AK9: variants seen among roughly 807,000 people sequenced by gnomAD.
AK9 encodes adenylate kinase domain containing 1.
Under a neutral mutation model 239.6 loss-of-function variants are expected in AK9, and 191 were observed. The observed-to-expected ratio is 0.80, with a 90% CI of 0.71 to 0.90. The LOEUF is 0.90. Ranked by LOEUF, AK9 falls within the 40% of genes least tolerant of loss-of-function variation. AK9 has a pLI of 0.00. For synonymous variants in AK9, 689 were observed against 721.0 expected (o/e 0.96, Z 0.71); for missense variants, 1,995 against 2,214.7 (o/e 0.90, Z 1.99).
intron 35 of AK9, among the ~76,000 whole-genome samples, chr6:109,500,034 TACACACAC>T (rs36086518): frequency 6.4e-4 from 91 of 141,466 alleles, no homozygotes; most frequent in Middle Eastern, 7.3e-3. Context: ...ATATATATGA[TACACACAC>T]ACACACACAC....
chr6:109,515,889 T>C lies in AK9; in HGVS notation c.4033A>G (p.Ile1345Val). 1.3e-6 allele frequency: 2 copies of C among 1,551,762 alleles called. No homozygotes were observed. The highest frequency in any genetic ancestry group is 1.7e-6 in the Non-Finnish European group (2 of 1,146,852). Reference protein sequence around the residue: ...QKMLTFTYKYISSFGYWDPVK... With the variant: ...QKMLTFTYKYVSSFGYWDPVK... The stretch of plus-strand genomic sequence containing the variant: ...GGGTCCCAATAGCCGAATGAGCTTA[T>C]ATACTTGTAGGTAAAGGTGAGCATT... The change falls in exon 31 of 41, where the codon ATA becomes GTA. Residue 1345 changes from isoleucine to valine, a missense_variant. By Grantham distance (29) the Ile-to-Val change is conservative. Around this residue, in one of 5 missense-constraint regions of AK9, gnomAD observed 1,290 missense variants for 1,392.7 expected, o/e 0.93. Transcript: ENST00000424296.
chr6:109,518,847 T>A (rs1036817486), intron 29 of AK9, among the ~76,000 whole-genome samples: 1 of 152,100 alleles, frequency 6.6e-6, no homozygotes, highest in Non-Finnish European at 1.5e-5. Context: ...TCGGGGTACG[T>A]GTGCAGGCTT....
At chr6:109,588,421 G>A (rs1434065051) in intron 17 of AK9, among the ~76,000 whole-genome samples, 1 of 151,994 alleles carries the variant, frequency 6.6e-6, no homozygotes, top group African/African-American at 2.4e-5. Context: ...TCATGTCCTT[G>A]GCCCACTTTT....
chr6:109,651,785 T>A (rs1252277586), intron 8 of AK9, among the ~76,000 whole-genome samples: 1 of 151,502 alleles, frequency 6.6e-6, no homozygotes, highest in South Asian at 2.1e-4. Flanking sequence ...GAGAATACTA[T>A]AAATACTAGA....
At chr6:109,617,469 C>G (rs1333493186) in intron 13 of AK9, among the ~76,000 whole-genome samples, 1 of 151,846 alleles carries the variant, frequency 6.6e-6, no homozygotes, top group South Asian at 2.1e-4. Flanking sequence ...CTATAAATAT[C>G]AATAGAATAG....
chr6:109,617,801 G>A (rs2128245965), intron 13 of AK9, among the ~76,000 whole-genome samples: 1 of 152,150 alleles, frequency 6.6e-6, no homozygotes, highest in East Asian at 1.9e-4. Flanking sequence ...AAGTATGAGT[G>A]AGTTTTCCTT....
chr6:109,686,125 C>A (rs1773471609), intron 1 of AK9, among the ~76,000 whole-genome samples: 1 of 152,176 alleles, frequency 6.6e-6, no homozygotes, highest in Admixed American at 6.5e-5. Context: ...AACATCCAGT[C>A]TTACCCAAGG....
chr6:109,516,468 T>G lies in AK9; in HGVS notation c.3808A>C (p.Lys1270Gln). Residue 1270 changes from lysine to glutamine, a missense_variant, in exon 30 of 41, where the codon AAA (lysine) becomes CAA (glutamine). By Grantham distance (53) the Lys-to-Gln change is moderately conservative (BLOSUM62 1). This residue lies in a region of AK9 where 1,290 missense variants were observed against 1,392.7 expected (regional missense o/e 0.93). Coordinates refer to ENST00000424296, the MANE Select transcript of AK9 (RefSeq NM_001145128.3). ...AAATTATGTGTATCTGCTTCAAATT[T>G]TTCTCCTAGTTCACCTCTCAGGCGC... ...IERLRGELGE[K>Q]FEADTHNLQI... 6.4e-7 allele frequency: 1 copy of G among 1,551,638 alleles called. No individual in the cohort carries two copies. Among genetic ancestry groups the G allele is most frequent in the Non-Finnish European group, 8.7e-7 (1 of 1,146,978 alleles).
intron 21 of AK9, among the ~76,000 whole-genome samples, chr6:109,570,115 C>T (rs1226033783): frequency 2.6e-5 from 4 of 152,034 alleles, no homozygotes; most frequent in South Asian, 2.1e-4. Context: ...AAAGGATGAG[C>T]TCATGTGCTT....
At chr6:109,620,264 A>T (rs1340467160) in intron 12 of AK9, among the ~76,000 whole-genome samples, 1 of 152,140 alleles carries the variant, frequency 6.6e-6, no homozygotes, top group Admixed American at 6.6e-5. Context: ...ACTATTTTAC[A>T]TCTCTACCAG....
chr6:109,650,344 T>A lies in AK9; in HGVS notation c.760-5656A>T, dbSNP rs1562552677. 2.0e-5 allele frequency among the ~76,000 whole-genome samples: 3 copies of A among 151,990 alleles called. No homozygotes were observed. The South Asian group carries it at 6.2e-4, about 32-fold the overall frequency. On this transcript the variant is annotated intron_variant, in intron 8 of 40. Coordinates refer to ENST00000424296, the MANE Select transcript of AK9 (RefSeq NM_001145128.3). The stretch of plus-strand genomic sequence containing the variant: ...TTTTTGCAACCTACTCATCTGACAA[T>A]GGGCCAATATCCAGAATCTACAAAG...
chr6:109,558,383 C>T (rs1328997129), intron 24 of AK9, among the ~76,000 whole-genome samples: 1 of 152,070 alleles, frequency 6.6e-6, no homozygotes, highest in African/African-American at 2.4e-5. Flanking sequence ...GCCTATAATA[C>T]ATTCTAAGTT....
chr6:109,518,576 T>C (rs1472096993), intron 29 of AK9, among the ~76,000 whole-genome samples: 1 of 151,948 alleles, frequency 6.6e-6, no homozygotes, highest in African/African-American at 2.4e-5. Flanking sequence ...GATTAAAAAG[T>C]AGAAGTCTTT....
intron 8 of AK9, among the ~76,000 whole-genome samples, chr6:109,648,157 C>T (rs1239298378): frequency 2.6e-5 from 4 of 151,990 alleles, no homozygotes; most frequent in African/African-American, 9.7e-5. Flanking sequence ...AAAATTGACA[C>T]CCTAACATCA....
chr6:109,581,162 A>G (rs576403357), intron 19 of AK9, among the ~76,000 whole-genome samples: 6 of 152,132 alleles, frequency 3.9e-5, no homozygotes, highest in Non-Finnish European at 8.8e-5. Flanking sequence ...CCCTCTCCTC[A>G]GGCCTCCCTA....
At chr6:109,527,494 G>A (rs1339641762) in intron 29 of AK9, 1 of 152,128 alleles carries the variant, frequency 6.6e-6, no homozygotes, top group Non-Finnish European at 1.5e-5. Context: ...GCCACTTAGG[G>A]TGGCACACTG....
chr6:109,601,955 A>C (rs4501459), intron 17 of AK9, among the ~76,000 whole-genome samples: 4,492 of 152,046 alleles, frequency 0.03, 227 homozygotes, highest in African/African-American at 0.1. Context: ...CCTTTATTTT[A>C]AGCTTATGTG....
rs541897759 is a variant in AK9 at position 109,524,424 on chromosome 6, T to C, written c.3633+4587A>G. Among the ~76,000 whole-genome samples, 29 of 152,210 alleles carry C rather than the reference T, an allele frequency of 1.9e-4. 1 individual carries two copies. In the South Asian group the frequency reaches 2.5e-3, roughly 13 times the overall value. Reference sequence around the variant, plus strand: ...GTCTAAAGAAATAATGTCTAAAGTTTCTCCAAATTTAGTGAAAGACACAAA... The same window carrying C: ...GTCTAAAGAAATAATGTCTAAAGTTCCTCCAAATTTAGTGAAAGACACAAA... On this transcript the variant is annotated intron_variant, in intron 29 of 40. Coordinates refer to ENST00000424296, the MANE Select transcript of AK9 (RefSeq NM_001145128.3).
At chr6:109,594,831 CT>C (rs1281052781) in intron 17 of AK9, among the ~76,000 whole-genome samples, 1 of 152,180 alleles carries the variant, frequency 6.6e-6, no homozygotes, top group Non-Finnish European at 1.5e-5. Flanking sequence ...AACTGGACCC[CT>C]TCCTTACACC....
Sources: allele counts gnomAD v4.1 joint callset (sites outside exome capture counted in the v4.1 genomes callset), GRCh38; gene constraint gnomAD v4.1.1; regional missense constraint gnomAD v4.1.1; transcripts MANE v1.5; gene names NCBI Gene and HGNC (gene_info 2026-07-23, HGNC 2026-07-21).